Variants in NUP153 observed in about 807,000 individuals in gnomAD.
NUP153 encodes the protein nucleoporin 153, also known as nuclear pore complex protein Nup153.
Under a neutral mutation model 134.6 loss-of-function variants are expected in NUP153, and 27 were observed. That is an observed-to-expected ratio of 0.20 (90% CI 0.15 to 0.28). The LOEUF is 0.28. Ranked by LOEUF, NUP153 falls within the 10% of genes least tolerant of loss-of-function variation. NUP153 has a pLI of 1.00. For missense variants in NUP153, 1,821 were observed against 1,731.3 expected (o/e 1.05, Z -0.92); for synonymous variants, 640 against 623.5 (o/e 1.03, Z -0.40).
In NUP153 at chr6:17,660,300, G is replaced by A. The variant is rs575277755; in HGVS notation, c.1395+1353C>T. Among the ~76,000 whole-genome samples, 8 of 152,284 alleles carry A rather than the reference G, an allele frequency of 5.3e-5. 1 individual carries two copies. In the South Asian group the frequency reaches 1.7e-3, roughly 32 times the overall value. ...CTAAAACTCATTGGTCAATGAGGGA[G>A]TCACTGGTGAAATTTTAATTAGAAA... On this transcript the variant is annotated intron_variant, in intron 11 of 21. Transcript: ENST00000262077.
chr6:17,641,945 C>G (rs1765865240), intron 14 of NUP153, among the ~76,000 whole-genome samples: 2 of 152,138 alleles, frequency 1.3e-5, no homozygotes, highest in Admixed American at 1.3e-4. Context: ...TACAATTCTA[C>G]TTCTGAGAAT....
At chr6:17,656,851 A>T (rs913293646) in intron 11 of NUP153, among the ~76,000 whole-genome samples, 3 of 152,180 alleles carry the variant, frequency 2.0e-5, no homozygotes, top group African/African-American at 7.2e-5. Context: ...ACATGTGCAA[A>T]TTCTGGAGTA....
chr6:17,651,920 C>A, intron 11 of NUP153: 2 of 634,410 alleles, frequency 3.2e-6, no homozygotes, highest in Non-Finnish European at 3.0e-6. Context: ...ACGGTGAGAC[C>A]TTGTCTCTAC....
rs1359118646 is a variant in NUP153 at position 17,629,102 on chromosome 6, G to A, written c.3097C>T (p.Pro1033Ser). ...GTCACTATGGTGTTAGCAGGAGCAG[G>A]GGTGGAGTTAATAACACCTGTACCA... is the stretch of plus-strand genomic sequence containing the variant. ...SFGTGVINST[P>S]APANTIVTSE... The change falls in exon 18 of 22, where the codon CCT becomes TCT. Residue 1033 changes from proline (P) to serine (S), a missense_variant. By Grantham distance (74) the Pro-to-Ser change is moderately conservative. Transcript: ENST00000262077. 15 of 1,614,036 alleles carry A rather than the reference G, an allele frequency of 9.3e-6. No individual in the cohort carries two copies. Among genetic ancestry groups the A allele is most frequent in the South Asian group, 2.2e-5 (2 of 91,082 alleles).
intron 9 of NUP153, among the ~76,000 whole-genome samples, chr6:17,663,854 T>G (rs919097626): frequency 6.6e-6 from 1 of 152,012 alleles, no homozygotes; most frequent in Admixed American, 6.6e-5. Context: ...ATAAGACAAC[T>G]GGCCTGGTCT....
intron 2 of NUP153, among the ~76,000 whole-genome samples, chr6:17,679,325 G>A (rs1439520120): frequency 6.6e-6 from 1 of 152,138 alleles, no homozygotes; most frequent in South Asian, 2.1e-4. Flanking sequence ...ATGAACCAAG[G>A]TAAAAGATGT....
chr6:17,639,442 AATT>A (rs1765729572), intron 15 of NUP153, among the ~76,000 whole-genome samples: 2 of 152,130 alleles, frequency 1.3e-5, no homozygotes, highest in South Asian at 4.1e-4. Context: ...TCAAACAAAA[AATT>A]ATTCTTATCT....
chr6:17,673,365 TAAC>T (rs1314651807), intron 5 of NUP153, among the ~76,000 whole-genome samples: 2 of 151,572 alleles, frequency 1.3e-5, no homozygotes, highest in Admixed American at 6.6e-5. Flanking sequence ...AAAAAAAAAA[TAAC>T]AACTTCTGCT....
intron 1 of NUP153, among the ~76,000 whole-genome samples, chr6:17,704,706 A>G (rs1374338782): frequency 2.6e-5 from 4 of 151,482 alleles, no homozygotes; most frequent in African/African-American, 9.7e-5. Flanking sequence ...CTCAAAATAA[A>G]AAACATTTAA....
At chr6:17,661,631 G>A (rs757842374) in intron 11 of NUP153, 22 bp downstream of exon 11, 4 of 1,608,820 alleles carry the variant, frequency 2.5e-6, no homozygotes, top group Non-Finnish European at 3.4e-6. Flanking sequence ...AACCTCAAGA[G>A]TATATGAGTA....
chr6:17,672,435 G>A (rs2113830792), intron 5 of NUP153, among the ~76,000 whole-genome samples: 1 of 152,140 alleles, frequency 6.6e-6, no homozygotes, highest in East Asian at 1.9e-4. Context: ...ATTTAGCTGG[G>A]AATGGTGGCA....
chr6:17,624,477 TATGA>T (rs918688940), intron 20 of NUP153, 80 bp downstream of exon 20: 15 of 1,311,676 alleles, frequency 1.1e-5, no homozygotes, highest in African/African-American at 7.4e-5. Flanking sequence ...AAATTAGACA[TATGA>T]ATGGTTTCCA....
rs759625731 is a variant in NUP153, at chr6:17,638,376, A to C, written c.1847-606T>G. On this transcript the variant is annotated intron_variant, in intron 15 of 21. Coordinates refer to ENST00000262077, the MANE Select transcript of NUP153 (RefSeq NM_005124.4). This position sits in a 1 kb window ranked among gnomAD's most constrained non-coding sequence, Gnocchi z 4.0. ...CCAGTTAACTTTTGTCTTACACACA[A>C]CACCACCATCTGTGATCTGTTTCTC... Among the ~76,000 whole-genome samples the C allele has an allele frequency of 2.2e-4, 33 of 152,304 alleles. No homozygotes were observed. Among genetic ancestry groups the C allele is most frequent in the Non-Finnish European group, 2.1e-4 (14 of 68,026 alleles).
intron 5 of NUP153, among the ~76,000 whole-genome samples, chr6:17,671,403 G>C (rs1767901123): frequency 6.6e-6 from 1 of 152,082 alleles, no homozygotes; most frequent in South Asian, 2.1e-4. Flanking sequence ...TAAATGTTTG[G>C]TAGGATTCAC....
intron 1 of NUP153, among the ~76,000 whole-genome samples, chr6:17,701,843 G>GA (rs1554148663): frequency 0.011 from 949 of 87,346 alleles, 136 homozygotes; most frequent in African/African-American, 0.032. Context: ...GGGGGGGGGG[G>GA]GAAAAAAGCT....
Position 17,638,008 on chromosome 6 carries a change from C to T in NUP153, c.1847-238G>A, listed in dbSNP as rs963226561. Among the ~76,000 whole-genome samples, 8 of 152,200 alleles carry T rather than the reference C, an allele frequency of 5.3e-5. No homozygotes were observed. Among genetic ancestry groups the T allele is most frequent in the African/African-American group, 1.9e-4 (8 of 41,444 alleles). On this transcript the variant is annotated intron_variant, in intron 15 of 21. Coordinates refer to ENST00000262077, the MANE Select transcript of NUP153 (RefSeq NM_005124.4). The surrounding 1 kb of genome is among the most constrained non-coding windows in gnomAD (Gnocchi z 4.0). ...TTTGTTTACAGGATATCACCTTCTC[C>T]TTCAAGGAATTTCTAGTTTGATGCT...
At chr6:17,671,202 A>G (rs1049214238) in intron 5 of NUP153, among the ~76,000 whole-genome samples, 2 of 152,042 alleles carry the variant, frequency 1.3e-5, no homozygotes, top group Non-Finnish European at 2.9e-5. Context: ...GTTGGATTCC[A>G]TTTACAAATA....
chr6:17,646,356 C>T (rs539759637), intron 13 of NUP153, among the ~76,000 whole-genome samples: 3 of 152,064 alleles, frequency 2.0e-5, no homozygotes, highest in East Asian at 1.9e-4. Flanking sequence ...TACAGGAACT[C>T]GCCACCACAC....
chr6:17,674,499 T>G (rs982299440), intron 5 of NUP153, among the ~76,000 whole-genome samples: 1 of 152,202 alleles, frequency 6.6e-6, no homozygotes, highest in African/African-American at 2.4e-5. Flanking sequence ...CCGGGTGCAG[T>G]GGCTCACGCC....
Sources: allele counts gnomAD v4.1 joint callset (sites outside exome capture counted in the v4.1 genomes callset), GRCh38; gene constraint gnomAD v4.1.1; non-coding constraint Gnocchi (gnomAD v3.1); transcripts MANE v1.5; gene names NCBI Gene and HGNC (gene_info 2026-07-23, HGNC 2026-07-21).